The following SREBF2 variants were observed in gnomAD, a reference collection of about 807,000 sequenced individuals.
SREBF2 encodes the protein sterol regulatory element-binding protein 2.
Under a neutral mutation model 113.1 loss-of-function variants are expected in SREBF2, and 55 were observed. The observed-to-expected ratio is 0.49, with a 90% CI of 0.39 to 0.61. SREBF2 has a LOEUF of 0.61. Among genes scored for constraint, SREBF2 ranks in the 20% least tolerant of loss-of-function variants. The pLI, the probability that SREBF2 is intolerant of heterozygous loss-of-function variation, is 0.00. For synonymous variants in SREBF2, 593 were observed against 605.7 expected (o/e 0.98, Z 0.31); for missense variants, 1,349 against 1,487.4 (o/e 0.91, Z 1.53).
chr22:41,850,670 C>T (rs746674000), intron 1 of SREBF2, among the ~76,000 whole-genome samples: 25 of 152,262 alleles, frequency 1.6e-4, no homozygotes, highest in Non-Finnish European at 1.0e-4. Flanking sequence ...AATCTCAGTT[C>T]AGCCACTTTG....
chr22:41,886,486 T>C (rs1462837027), intron 11 of SREBF2, among the ~76,000 whole-genome samples: 1 of 152,152 alleles, frequency 6.6e-6, no homozygotes, highest in African/African-American at 2.4e-5. Flanking sequence ...TTGAAGACAT[T>C]CATTTTATCA....
At chr22:41,854,800 C>T (rs185399509) in intron 1 of SREBF2, among the ~76,000 whole-genome samples, 16 of 151,832 alleles carry the variant, frequency 1.1e-4, no homozygotes, top group African/African-American at 3.9e-4. Flanking sequence ...ACGTGGGAGG[C>T]GGAGGTGGAG....
intron 10 of SREBF2, among the ~76,000 whole-genome samples, chr22:41,883,141 A>G (rs968857106): frequency 6.6e-6 from 1 of 152,310 alleles, no homozygotes; most frequent in East Asian, 1.9e-4. Flanking sequence ...TGAGAGGAGC[A>G]GTTGGAGAGG....
rs2077132072 is a variant in SREBF2 at position 41,870,738 on chromosome 22, CTA to C, written c.721-149_721-148del. 4 of 1,115,734 alleles carry C rather than the reference CTA, an allele frequency of 3.6e-6. No homozygotes were observed. The East Asian group carries it at 1.1e-4, about 30-fold the overall frequency. 69.1% of individuals were successfully genotyped at this position (1,115,734 alleles called of 1,614,324 possible). ...AAATAGCCGGCTTTTGAAATGGCCTCTATGAAATTTCCTGTTCATTTTTTTAT... is the reference window on the plus strand; with the variant it reads ...AAATAGCCGGCTTTTGAAATGGCCTCTGAAATTTCCTGTTCATTTTTTTAT... On this transcript the variant is annotated intron_variant, in intron 3 of 18. Coordinates refer to ENST00000361204, the MANE Select transcript of SREBF2 (RefSeq NM_004599.4).
In SREBF2 at chr22:41,870,979, A is replaced by G; in HGVS notation, c.811A>G (p.Asn271Asp). The part of the protein sequence containing the change: ...DGSPVMAAVQ[N>D]PALTALTTPI... ...CAGCCCTGTTATGGCTGCGGTCCAG[A>G]ACCCGGCCCTCACCGCCCTCACCAC... Residue 271 changes from asparagine (N) to aspartate (D), a missense_variant, in exon 4 of 19, where the codon AAC becomes GAC. Physicochemically the swap from Asn to Asp is conservative, Grantham distance 23. Transcript: ENST00000361204. 4 of 1,614,092 alleles carry G rather than the reference A, an allele frequency of 2.5e-6. No individual in the cohort carries two copies. The highest frequency in any genetic ancestry group is 3.4e-6 in the Non-Finnish European group (4 of 1,180,004).
At chr22:41,862,926 T>A (rs1451344248) in intron 1 of SREBF2, among the ~76,000 whole-genome samples, 1 of 152,206 alleles carries the variant, frequency 6.6e-6, no homozygotes, top group Non-Finnish European at 1.5e-5. Flanking sequence ...GTAGTCTCAT[T>A]CCATCTGCCT....
At position 41,867,251 on chromosome 22, in the gene SREBF2, T is replaced by C. The variant is rs1262576919; in HGVS notation, c.509T>C (p.Ile170Thr). ...ACGAGGATCATCCAGCAGCCTTTGA[T>C]ATACCAGAATGCAGCTACTAGCTTT... ...PQTRIIQQPL[I>T]YQNAATSFQV... is the part of the protein sequence containing the mutation. Residue 170 changes from isoleucine to threonine, a missense_variant, in exon 2 of 19, where the codon ATA (isoleucine) becomes ACA (threonine). Ile to Thr is a moderately conservative substitution (Grantham distance 89, BLOSUM62 -1). This residue lies in a region of SREBF2 where 699 missense variants were observed against 843.3 expected (regional missense o/e 0.83). Transcript: ENST00000361204. 3.0e-5 allele frequency: 48 copies of C among 1,614,120 alleles called. No homozygotes were observed. Among genetic ancestry groups the C allele is most frequent in the Non-Finnish European group, 4.1e-5 (48 of 1,180,060 alleles).
intron 11 of SREBF2, among the ~76,000 whole-genome samples, chr22:41,889,382 C>T (rs1156869241): frequency 6.6e-6 from 1 of 152,160 alleles, no homozygotes; most frequent in South Asian, 2.1e-4. Flanking sequence ...CCACCTCAGC[C>T]TCTCAAAGTG....
chr22:41,852,750 TTTTTTTTTTG>T, intron 1 of SREBF2, among the ~76,000 whole-genome samples: 1 of 143,340 alleles, frequency 7.0e-6, no homozygotes, highest in African/African-American at 2.6e-5. Context: ...TTTTTTTTTT[TTTTTTTTTTG>T]TGGTAGATGG....
chr22:41,842,031 T>C (rs1221313323), intron 1 of SREBF2, among the ~76,000 whole-genome samples: 1 of 152,264 alleles, frequency 6.6e-6, no homozygotes, highest in Non-Finnish European at 1.5e-5. Flanking sequence ...CAAGTTCAGC[T>C]GGGTAACACA....
intron 1 of SREBF2, among the ~76,000 whole-genome samples, chr22:41,835,737 C>T (rs1480011705): frequency 6.6e-6 from 1 of 152,228 alleles, no homozygotes; most frequent in Non-Finnish European, 1.5e-5. Flanking sequence ...AAGCAATCCT[C>T]CCAGCTCAGC....
intron 13 of SREBF2, among the ~76,000 whole-genome samples, chr22:41,895,529 G>A (rs182081760): frequency 9.7e-5 from 14 of 144,408 alleles, no homozygotes; most frequent in African/African-American, 3.4e-4. Context: ...TCTGCCTCCC[G>A]GGTTCAAGTG....
chr22:41,880,427 G>T (rs1180883818), intron 9 of SREBF2, among the ~76,000 whole-genome samples: 2 of 149,718 alleles, frequency 1.3e-5, no homozygotes, highest in Non-Finnish European at 3.0e-5. Flanking sequence ...GTGCTACTCT[G>T]AGGGAACTCT....
intron 3 of SREBF2, among the ~76,000 whole-genome samples, chr22:41,870,079 C>T (rs903725574): frequency 6.6e-6 from 1 of 152,116 alleles, no homozygotes; most frequent in Non-Finnish European, 1.5e-5. Flanking sequence ...TGGTCTCAAA[C>T]TCCTGACCTC....
At chr22:41,838,777 G>A (rs186997609) in intron 1 of SREBF2, among the ~76,000 whole-genome samples, 2 of 152,202 alleles carry the variant, frequency 1.3e-5, no homozygotes, top group Admixed American at 1.3e-4. Flanking sequence ...GGTGGTGATA[G>A]GCAAGGAAGA....
intron 14 of SREBF2, among the ~76,000 whole-genome samples, chr22:41,898,276 G>C (rs1383746422): frequency 1.3e-5 from 2 of 152,036 alleles, no homozygotes; most frequent in East Asian, 3.9e-4. Flanking sequence ...ACCATGCCCA[G>C]CTAATTTTTT....
intron 1 of SREBF2, among the ~76,000 whole-genome samples, chr22:41,844,876 C>A (rs906807150): frequency 6.6e-6 from 1 of 152,036 alleles, no homozygotes. Flanking sequence ...TACCCAAGTC[C>A]TCCTGATACA....
chr22:41,904,826 C>T (rs1252294566), intron 17 of SREBF2, 37 bp from the exon 18 acceptor site: 4 of 1,503,780 alleles, frequency 2.7e-6, no homozygotes, highest in Non-Finnish European at 3.6e-6. Context: ...GGGTGGGGAC[C>T]AGGGGTGTGA....
chr22:41,892,601 T>G (rs2077374734), intron 11 of SREBF2, among the ~76,000 whole-genome samples: 1 of 138,146 alleles, frequency 7.2e-6, no homozygotes, highest in East Asian at 2.1e-4. Flanking sequence ...TGAGTCGAGA[T>G]CGCGCCACTG....
Sources: allele counts gnomAD v4.1 joint callset (sites outside exome capture counted in the v4.1 genomes callset), GRCh38; gene constraint gnomAD v4.1.1; regional missense constraint gnomAD v4.1.1; transcripts MANE v1.5; gene names NCBI Gene and HGNC (gene_info 2026-07-23, HGNC 2026-07-21).